The following NDST3 variants were observed in gnomAD, a reference collection of about 807,000 sequenced individuals.
NDST3 encodes N-deacetylase and N-sulfotransferase 3, also known as bifunctional heparan sulfate N-deacetylase/N-sulfotransferase 3.
Under a neutral mutation model 96.1 loss-of-function variants are expected in NDST3, and 58 were observed. The observed-to-expected ratio is 0.60, with a 90% CI of 0.49 to 0.75. The LOEUF (loss-of-function observed/expected upper bound fraction) is 0.75, where lower values mean the gene tolerates loss of function less well. NDST3 is among the 30% of genes least tolerant of loss of function. The probability of loss-of-function intolerance (pLI) is 0.00; values close to 1 mark genes in which losing one functional copy is unlikely to be tolerated. For missense variants in NDST3, 788 were observed against 1,034.2 expected, an observed-to-expected ratio of 0.76 and a Z score of 3.27; for synonymous variants, 333 against 359.7, an observed-to-expected ratio of 0.93 and a Z score of 0.84.
intron 6 of NDST3, among the ~76,000 whole-genome samples, chr4:118,207,232 T>A (rs1738496567): frequency 1.4e-5 from 2 of 138,180 alleles, no homozygotes; most frequent in African/African-American, 2.8e-5. Flanking sequence ...AAATAAATAT[T>A]AAAAGAAATA....
chr4:118,156,794 A>AT (rs1734741096), intron 6 of NDST3, among the ~76,000 whole-genome samples: 2 of 152,330 alleles, frequency 1.3e-5, no homozygotes, highest in Admixed American at 1.3e-4. Context: ...GATTGCTAAG[A>AT]TATTCTGTTA....
chr4:118,182,608 T>G (rs1465255856), intron 6 of NDST3, among the ~76,000 whole-genome samples: 1 of 152,098 alleles, frequency 6.6e-6, no homozygotes, highest in Non-Finnish European at 1.5e-5. Flanking sequence ...ATTGAAATGA[T>G]CAAAGGAAAC....
At chr4:118,108,311 A>T (rs1730369576) in intron 3 of NDST3, among the ~76,000 whole-genome samples, 1 of 152,154 alleles carries the variant, frequency 6.6e-6, no homozygotes, top group South Asian at 2.1e-4. Context: ...TTTTTACTAA[A>T]TTTTTTCTGA....
intron 6 of NDST3, among the ~76,000 whole-genome samples, chr4:118,211,591 C>G (rs905558467): frequency 6.6e-6 from 1 of 152,146 alleles, no homozygotes; most frequent in Non-Finnish European, 1.5e-5. Context: ...TATATCATCA[C>G]TGTTTTCATC....
At chr4:118,040,534 A>C in intron 1 of NDST3, among the ~76,000 whole-genome samples, 1 of 152,142 alleles carries the variant, frequency 6.6e-6, no homozygotes, top group East Asian at 1.9e-4. Flanking sequence ...TAAAATGCTC[A>C]TAGCTATCCC....
chr4:118,125,208 A>C (rs10015232), intron 4 of NDST3, among the ~76,000 whole-genome samples: 127,401 of 151,986 alleles, frequency 0.84, 54,897 homozygotes, highest in South Asian at 0.95. Context: ...ATTTCAGGGT[A>C]TCACCATAAA....
Position 118,068,166 on chromosome 4 carries a change from C to CTTTTTTTTTTTTTTTTTTTTTTTTTTTT in NDST3, c.981+13299_981+13300insTTTTTTTTTTTTTTTTTTTTTTTTTTTT, listed in dbSNP as rs34891564. Among the ~76,000 whole-genome samples, 5 of 84,310 alleles carry CTTTTTTTTTTTTTTTTTTTTTTTTTTTT rather than the reference C, an allele frequency of 5.9e-5. 1 individual carries two copies. Among genetic ancestry groups the CTTTTTTTTTTTTTTTTTTTTTTTTTTTT allele is most frequent in the Non-Finnish European group, 1.1e-4 (5 of 46,148 alleles). 55.3% of individuals were successfully genotyped at this position (84,310 alleles called of 152,430 possible). On this transcript the variant is annotated intron_variant, in intron 2 of 13. Transcript: ENST00000296499. Reference sequence around the variant, plus strand: ...ATAGTCAACAGCTTATACTTGATCTCTTTTTTTTTTTTTTTTTTTTTTTTG... The same window carrying CTTTTTTTTTTTTTTTTTTTTTTTTTTTT: ...ATAGTCAACAGCTTATACTTGATCTCTTTTTTTTTTTTTTTTTTTTTTTTTTTTTTTTTTTTTTTTTTTTTTTTTTTTG...
intron 1 of NDST3, among the ~76,000 whole-genome samples, chr4:118,041,616 C>T (rs1724469764): frequency 6.6e-6 from 1 of 152,178 alleles, no homozygotes; most frequent in Admixed American, 6.5e-5. Context: ...CTGATCAAGA[C>T]AGTTGTGTCT....
intron 6 of NDST3, among the ~76,000 whole-genome samples, chr4:118,165,560 C>A (rs1735494720): frequency 6.6e-6 from 1 of 151,970 alleles, no homozygotes; most frequent in African/African-American, 2.4e-5. Flanking sequence ...ACACTATAGA[C>A]CCAATTGACC....
chr4:118,249,773 C>T (rs999952201), intron 12 of NDST3, among the ~76,000 whole-genome samples: 4 of 145,432 alleles, frequency 2.8e-5, no homozygotes, highest in Non-Finnish European at 4.5e-5. Context: ...TTAGATCACA[C>T]TATCATTTTA....
At chr4:118,118,956 G>A (rs1731329635) in intron 4 of NDST3, among the ~76,000 whole-genome samples, 1 of 152,052 alleles carries the variant, frequency 6.6e-6, no homozygotes, top group South Asian at 2.1e-4. Flanking sequence ...GGAAAATGGT[G>A]GTGGTTAAAT....
In NDST3 at chr4:118,206,217, C is replaced by T. The variant is rs192869466; in HGVS notation, c.1540-18274C>T. Among the ~76,000 whole-genome samples the T allele has an allele frequency of 1.3e-3, 189 of 144,438 alleles. 21 individuals carry two copies. Among genetic ancestry groups the T allele is most frequent in the Middle Eastern group, 0.011 (3 of 282 alleles). 94.8% of individuals were successfully genotyped at this position (144,438 alleles called of 152,430 possible). A position where few individuals can be genotyped will look rare whatever the true frequency, so the allele number is the denominator to read the frequency against. On this transcript the variant is annotated intron_variant, in intron 6 of 13. Coordinates refer to ENST00000296499, the MANE Select transcript of NDST3 (RefSeq NM_004784.3). ...TTCCTGTCATCTGTGAACTGGGCAA[C>T]TACATAACGAAGAAGATTTGAATTA...
chr4:118,214,359 A>T (rs1319751460), intron 6 of NDST3, among the ~76,000 whole-genome samples: 1 of 152,166 alleles, frequency 6.6e-6, no homozygotes, highest in Non-Finnish European at 1.5e-5. Flanking sequence ...GATGTACTGT[A>T]AATATAAAAC....
intron 1 of NDST3, among the ~76,000 whole-genome samples, chr4:118,041,055 G>A (rs1004577605): frequency 1.3e-5 from 2 of 151,760 alleles, no homozygotes; most frequent in African/African-American, 4.8e-5. Flanking sequence ...GCCTCTAAGA[G>A]CTTTAACCCT....
At chr4:118,038,263 A>G (rs1724259836) in intron 1 of NDST3, among the ~76,000 whole-genome samples, 1 of 152,186 alleles carries the variant, frequency 6.6e-6, no homozygotes, top group South Asian at 2.1e-4. Flanking sequence ...CCCTTAAGTC[A>G]TATAGGGCAG....
chr4:118,099,314 G>A (rs1376121832), intron 2 of NDST3, among the ~76,000 whole-genome samples: 1 of 152,074 alleles, frequency 6.6e-6, no homozygotes, highest in East Asian at 1.9e-4. Context: ...AGCAGATGGT[G>A]GCCTTGGCCT....
chr4:118,186,073 G>A (rs1240729397), intron 6 of NDST3, among the ~76,000 whole-genome samples: 1 of 152,096 alleles, frequency 6.6e-6, no homozygotes, highest in Non-Finnish European at 1.5e-5. Context: ...ACGGTCAGAG[G>A]AGAGGGTACC....
At chr4:118,061,845 A>C (rs1352863032) in intron 2 of NDST3, among the ~76,000 whole-genome samples, 1 of 152,216 alleles carries the variant, frequency 6.6e-6, no homozygotes, top group Non-Finnish European at 1.5e-5. Flanking sequence ...GCAATGAACA[A>C]TTCATGAATC....
intron 12 of NDST3, among the ~76,000 whole-genome samples, chr4:118,251,088 T>TTTA (rs1741679711): frequency 9.3e-5 from 13 of 140,032 alleles, no homozygotes; most frequent in Middle Eastern, 3.8e-3. Flanking sequence ...GCTATAAATT[T>TTTA]TTTATTTATT....
Sources: gnomAD v4.1 joint callset for allele counts (sites outside exome capture counted in the v4.1 genomes callset) on GRCh38, gnomAD v4.1.1 for gene constraint, MANE v1.5 for transcripts, NCBI Gene and HGNC (gene_info 2026-07-23, HGNC 2026-07-21) for gene names.